Variants in ADGRB3 observed in about 807,000 individuals in gnomAD.
ADGRB3 encodes the protein adhesion G protein-coupled receptor B3.
In ADGRB3, 37 loss-of-function variants were observed where a neutral mutation model predicts 193.4. The ratio of observed to expected loss-of-function variants is 0.19; its 90% CI spans 0.15 to 0.25. The LOEUF (loss-of-function observed/expected upper bound fraction) is 0.25. Ranked by LOEUF, ADGRB3 falls within the 10% of genes least tolerant of loss-of-function variation. The probability of loss-of-function intolerance (pLI) is 1.00; values close to 1 mark genes in which losing one functional copy is unlikely to be tolerated. For missense variants in ADGRB3, 1,637 were observed against 1,852.9 expected (o/e 0.88, Z 2.14); for synonymous variants, 690 against 644.2 (o/e 1.07, Z -1.08).
intron 3 of ADGRB3, among the ~76,000 whole-genome samples, chr6:68,815,885 A>G (rs772781057): frequency 6.6e-6 from 1 of 151,924 alleles, no homozygotes; most frequent in Non-Finnish European, 1.5e-5. Context: ...TTGATTTTAC[A>G]CTGGTTTTAA....
At chr6:69,213,035 G>A (rs1765699569) in intron 17 of ADGRB3, among the ~76,000 whole-genome samples, 1 of 152,132 alleles carries the variant, frequency 6.6e-6, no homozygotes, top group Non-Finnish European at 1.5e-5. Context: ...AATCTAATGA[G>A]ATACATTAGT....
At chr6:68,783,359 C>G (rs890954042) in intron 3 of ADGRB3, among the ~76,000 whole-genome samples, 7 of 146,958 alleles carry the variant, frequency 4.8e-5, no homozygotes, top group African/African-American at 1.7e-4. Context: ...AATTCTAAAA[C>G]TTACATGTAT....
At chr6:68,840,394 T>A (rs1321308558) in intron 3 of ADGRB3, among the ~76,000 whole-genome samples, 2 of 74,342 alleles carry the variant, frequency 2.7e-5, no homozygotes, top group Non-Finnish European at 5.9e-5. Flanking sequence ...TTTTTTTTTT[T>A]TTTTTTTTTT....
intron 3 of ADGRB3, among the ~76,000 whole-genome samples, chr6:68,775,480 A>C (rs1766728924): frequency 6.6e-6 from 1 of 152,104 alleles, no homozygotes; most frequent in Non-Finnish European, 1.5e-5. Context: ...AGACTTCCAG[A>C]TAGCAGCTGG....
intron 17 of ADGRB3, among the ~76,000 whole-genome samples, chr6:69,205,279 A>G (rs985219396): frequency 6.6e-6 from 1 of 152,126 alleles, no homozygotes; most frequent in Non-Finnish European, 1.5e-5. Context: ...AGAAGATGTC[A>G]GGAGAGTTTC....
Position 68,969,978 on chromosome 6 carries a change from A to T in ADGRB3, c.1526-4785A>T, listed in dbSNP as rs138312579. 1.8e-3 allele frequency among the ~76,000 whole-genome samples: 272 copies of T among 152,228 alleles called. 1 individual carries two copies. The highest frequency in any genetic ancestry group is 6.4e-3 in the African/African-American group (264 of 41,540). On this transcript the variant is annotated intron_variant, in intron 8 of 31. Coordinates refer to ENST00000370598, the MANE Select transcript of ADGRB3 (RefSeq NM_001704.3). ...GCCTCTCTCACCAGACCATTACTCT[A>T]TACTTGGTCTTACTCTTCTCCTTCC...
intron 17 of ADGRB3, among the ~76,000 whole-genome samples, chr6:69,179,761 T>C (rs997290698): frequency 1.3e-5 from 2 of 152,244 alleles, no homozygotes; most frequent in African/African-American, 4.8e-5. Flanking sequence ...TAGCCCTATG[T>C]ACTTCTGTCA....
intron 3 of ADGRB3, among the ~76,000 whole-genome samples, chr6:68,856,122 A>G (rs1355495058): frequency 6.6e-6 from 1 of 152,172 alleles, no homozygotes; most frequent in South Asian, 2.1e-4. Flanking sequence ...TTCCACCATG[A>G]TTGTGAGGCT....
At chr6:69,150,200 G>T (rs1311565525) in intron 17 of ADGRB3, among the ~76,000 whole-genome samples, 2 of 152,058 alleles carry the variant, frequency 1.3e-5, no homozygotes, top group Non-Finnish European at 2.9e-5. Context: ...AGGGAAGCAA[G>T]TTCCCCAGGT....
chr6:69,105,905 C>T (rs549069092), intron 17 of ADGRB3, among the ~76,000 whole-genome samples: 2 of 151,956 alleles, frequency 1.3e-5, no homozygotes, highest in African/African-American at 2.4e-5. Flanking sequence ...GAGGCCAAGG[C>T]GGGTGGGTCA....
At chr6:69,358,921 G>GTA (rs200724526) in intron 28 of ADGRB3, among the ~76,000 whole-genome samples, 69 of 149,300 alleles carry the variant, frequency 4.6e-4, no homozygotes, top group East Asian at 9.8e-4. Context: ...ACACACACAC[G>GTA]TATATATATA....
chr6:69,009,990 G>T (rs1769886513), intron 11 of ADGRB3, among the ~76,000 whole-genome samples: 3 of 152,034 alleles, frequency 2.0e-5, no homozygotes, highest in Admixed American at 1.3e-4. Flanking sequence ...AGTAAAAACA[G>T]AATTTTTTAT....
chr6:68,692,101 T>G (rs1057046988), intron 3 of ADGRB3, among the ~76,000 whole-genome samples: 4 of 151,862 alleles, frequency 2.6e-5, no homozygotes, highest in African/African-American at 4.8e-5. Context: ...TTGCAGTACT[T>G]AGACATCACA....
intron 16 of ADGRB3, among the ~76,000 whole-genome samples, chr6:69,075,762 C>A (rs1200774026): frequency 6.6e-6 from 1 of 151,966 alleles, no homozygotes; most frequent in Admixed American, 6.6e-5. Context: ...AAACTAAATA[C>A]AAGTTAGAGT....
chr6:69,202,875 G>C (rs1038377420), intron 17 of ADGRB3, among the ~76,000 whole-genome samples: 1 of 152,128 alleles, frequency 6.6e-6, no homozygotes, highest in South Asian at 2.1e-4. Context: ...CAGAAGAAAG[G>C]CTTTCTGGCA....
chr6:68,889,304 T>C (rs1342251481), intron 3 of ADGRB3, among the ~76,000 whole-genome samples: 3 of 152,284 alleles, frequency 2.0e-5, no homozygotes, highest in African/African-American at 7.2e-5. Flanking sequence ...AAAAACAAGG[T>C]AGCATCTTAG....
At chr6:69,186,459 A>G (rs1765070383) in intron 17 of ADGRB3, among the ~76,000 whole-genome samples, 1 of 152,024 alleles carries the variant, frequency 6.6e-6, no homozygotes, top group African/African-American at 2.4e-5. Flanking sequence ...AGCATCATTT[A>G]TTCTCTACCA....
intron 17 of ADGRB3, among the ~76,000 whole-genome samples, chr6:69,174,178 G>A (rs1448837340): frequency 6.6e-6 from 1 of 152,110 alleles, no homozygotes; most frequent in Non-Finnish European, 1.5e-5. Flanking sequence ...GCTGAGGTTT[G>A]GGGAATGATT....
chr6:69,136,575 C>A (rs1208914356), intron 17 of ADGRB3, among the ~76,000 whole-genome samples: 1 of 151,994 alleles, frequency 6.6e-6, no homozygotes. Flanking sequence ...TATAAACAAT[C>A]GATTTTCTTC....
Sources: allele counts gnomAD v4.1 joint callset (sites outside exome capture counted in the v4.1 genomes callset), GRCh38; gene constraint gnomAD v4.1.1; transcripts MANE v1.5; gene names NCBI Gene and HGNC (gene_info 2026-07-23, HGNC 2026-07-21).